The following PLXNA4 variants were observed in gnomAD, a reference collection of about 807,000 sequenced individuals.
PLXNA4 encodes the protein plexin-A4.
In PLXNA4, 44 loss-of-function variants were observed where a neutral mutation model predicts 191.8. That is an observed-to-expected ratio of 0.23 (90% confidence interval 0.18 to 0.29). The LOEUF (loss-of-function observed/expected upper bound fraction) is 0.29. Ranked by LOEUF, PLXNA4 falls within the 10% of genes least tolerant of loss-of-function variation. The pLI is 1.00. For missense variants in PLXNA4, 1,800 were observed against 2,488.8 expected, an observed-to-expected ratio of 0.72 and a Z score of 5.89; for synonymous variants, 1,082 against 1,009.5, an observed-to-expected ratio of 1.07 and a Z score of -1.36.
At chr7:132,615,803 GCA>G (rs113683607) in intron 2 of PLXNA4, among the ~76,000 whole-genome samples, 2,830 of 151,702 alleles carry the variant, frequency 0.019, 80 homozygotes, top group African/African-American at 0.064. Context: ...TCATGCACAT[GCA>G]CACACACACA....
chr7:132,452,645 G>A (rs1186504552), intron 3 of PLXNA4, among the ~76,000 whole-genome samples: 2 of 152,150 alleles, frequency 1.3e-5, no homozygotes, highest in Non-Finnish European at 2.9e-5. Flanking sequence ...CGCTTCTGTG[G>A]GGAGAGATGC....
intron 14 of PLXNA4, 133 bp downstream of exon 14, chr7:132,193,929 C>T (rs769469541): frequency 9.3e-5 from 110 of 1,179,242 alleles, no homozygotes; most frequent in Non-Finnish European, 1.2e-4. Context: ...AGACAGGAGT[C>T]TCATGAACTG....
intron 4 of PLXNA4, among the ~76,000 whole-genome samples, chr7:132,293,497 A>G (rs1159363985): frequency 1.3e-5 from 2 of 152,138 alleles, no homozygotes; most frequent in Non-Finnish European, 2.9e-5. Flanking sequence ...TCCACAACAC[A>G]TGGGAATTAT....
intron 3 of PLXNA4, among the ~76,000 whole-genome samples, chr7:132,380,181 TCA>T (rs1804832467): frequency 6.6e-6 from 1 of 152,134 alleles, no homozygotes; most frequent in Non-Finnish European, 1.5e-5. Context: ...TTTTAATGAA[TCA>T]AAATACCAAA....
At chr7:132,480,032 C>G in intron 3 of PLXNA4, among the ~76,000 whole-genome samples, 1 of 152,140 alleles carries the variant, frequency 6.6e-6, no homozygotes, top group Non-Finnish European at 1.5e-5. Flanking sequence ...TCCCTAACCT[C>G]CCATTCAATC....
Position 132,643,662 on chromosome 7 carries a change from G to A in PLXNA4, c.-87+2266C>T, listed in dbSNP as rs563059392. Among the ~76,000 whole-genome samples the A allele has an allele frequency of 1.1e-4, 16 of 152,238 alleles. 1 individual carries two copies. The South Asian group carries it at 2.3e-3, about 22-fold the overall frequency. ...TGATCCAACAAGCCTTTTTTAAAAA[G>A]AATGAGGGCCTGGCGAGGTGGATCA... On this transcript the variant is annotated intron_variant, in intron 2 of 4. Transcript: ENST00000378539.
rs1432335072 is a variant in PLXNA4 at position 132,129,182 on chromosome 7, T to C, written c.*1297A>G. The C allele has an allele frequency of 1.3e-5, 2 of 152,210 alleles. No homozygotes were observed. Among genetic ancestry groups the C allele is most frequent in the South Asian group, 2.1e-4 (1 of 4,824 alleles). 9.4% of individuals were successfully genotyped at this position (152,210 alleles called of 1,614,324 possible). ...AGATCTGACAAGCTGGAGGCTGAGG[T>C]TGGCTGGCATTTTGGGCTGTCTCCG... On this transcript the variant is annotated 3_prime_UTR_variant, in exon 32 of 32. Coordinates refer to ENST00000321063, the MANE Select transcript of PLXNA4 (RefSeq NM_020911.2).
intron 4 of PLXNA4, among the ~76,000 whole-genome samples, chr7:132,279,054 G>C (rs890186811): frequency 2.0e-5 from 3 of 152,180 alleles, no homozygotes; most frequent in Non-Finnish European, 4.4e-5. Flanking sequence ...AGAGGGTATA[G>C]AGCTTGTCTT....
intron 3 of PLXNA4, among the ~76,000 whole-genome samples, chr7:132,484,513 T>A (rs1797465005): frequency 6.6e-6 from 1 of 152,244 alleles, no homozygotes; most frequent in African/African-American, 2.4e-5. Context: ...TAGAGGGTCT[T>A]TTCCTGTCAT....
chr7:132,179,757 G>T lies in PLXNA4; in HGVS notation c.3804C>A (p.Asp1268Glu). 6.2e-7 allele frequency: 1 copy of T among 1,614,160 alleles called. No individual in the cohort carries two copies. Among genetic ancestry groups the T allele is most frequent in the Non-Finnish European group, 8.5e-7 (1 of 1,180,044 alleles). Residue 1268 changes from aspartate to glutamate, a missense_variant, in exon 20 of 32, where the codon GAC (aspartate) becomes GAA (glutamate). By Grantham distance (45) the Asp-to-Glu change is conservative. Coordinates refer to ENST00000321063, the MANE Select transcript of PLXNA4 (RefSeq NM_020911.2). ...GCATCTGCAGCCGCTTCAGCGTGAG[G>T]TCACTTTCGCGGGACTTGCGTTTAT... is the stretch of plus-strand genomic sequence containing the variant. ...IAYKRKSRES[D>E]LTLKRLQMQM...
chr7:132,445,053 G>A (rs1795847844), intron 3 of PLXNA4, among the ~76,000 whole-genome samples: 2 of 150,896 alleles, frequency 1.3e-5, no homozygotes, highest in Non-Finnish European at 1.5e-5. Flanking sequence ...TACTCGGGAG[G>A]CTGAGGCAGG....
At chr7:132,463,754 C>G (rs1262979971) in intron 3 of PLXNA4, among the ~76,000 whole-genome samples, 1 of 152,222 alleles carries the variant, frequency 6.6e-6, no homozygotes, top group Non-Finnish European at 1.5e-5. Context: ...CCACATGCCC[C>G]TGATTCTTTC....
intron 3 of PLXNA4, among the ~76,000 whole-genome samples, chr7:132,473,607 G>C (rs1233992614): frequency 6.6e-6 from 1 of 152,174 alleles, no homozygotes; most frequent in African/African-American, 2.4e-5. Context: ...TCCAAAAAGA[G>C]TGGTTCGTAT....
chr7:132,141,250 T>G (rs975798894), intron 29 of PLXNA4, among the ~76,000 whole-genome samples: 2 of 152,218 alleles, frequency 1.3e-5, no homozygotes, highest in Non-Finnish European at 2.9e-5. Context: ...TGTATCTGAC[T>G]CTCTGCCATC....
chr7:132,643,650 C>T (rs144775711), intron 2 of PLXNA4, among the ~76,000 whole-genome samples: 58 of 152,208 alleles, frequency 3.8e-4, no homozygotes, highest in African/African-American at 1.3e-3. Flanking sequence ...TCCAACAAGC[C>T]TTTTTTAAAA....
At chr7:132,553,999 TAAAG>T (rs1390261237) in intron 1 of PLXNA4, among the ~76,000 whole-genome samples, 1 of 152,108 alleles carries the variant, frequency 6.6e-6, no homozygotes, top group Non-Finnish European at 1.5e-5. Flanking sequence ...AAGCCCTGTC[TAAAG>T]AAAGAAAGAG....
intron 1 of PLXNA4, among the ~76,000 whole-genome samples, chr7:132,563,967 T>G (rs1299544442): frequency 2.3e-5 from 1 of 43,710 alleles, no homozygotes; most frequent in Non-Finnish European, 4.7e-5. Context: ...CCCCATTCTT[T>G]CTCCTCCTCC....
rs571904126 is a variant in PLXNA4 at position 132,508,780 on chromosome 7, C to A, written c.-86-1G>T. The stretch of plus-strand genomic sequence containing the variant: ...GGACTCAGCAATGCAGTCTCCCCTA[C>A]TGGAGAAAGGGAAGACAATGAGCTG... On this transcript the variant is annotated splice_acceptor_variant, in intron 1 of 31. Coordinates refer to ENST00000321063, the MANE Select transcript of PLXNA4 (RefSeq NM_020911.2). LOFTEE classifies it low-confidence loss of function (5UTR_SPLICE). The surrounding 1 kb of genome is among the most constrained non-coding windows in gnomAD (Gnocchi z 4.4). The A allele has an allele frequency of 4.1e-5, 59 of 1,436,912 alleles. No individual in the cohort carries two copies. The highest frequency in any genetic ancestry group is 2.4e-4 in the Middle Eastern group (1 of 4,146). The allele number at this position is 1,436,912 out of a possible 1,614,324, so 89.0% of individuals were successfully genotyped here.
chr7:132,301,594 A>C (rs552839050), intron 3 of PLXNA4, among the ~76,000 whole-genome samples: 1 of 152,226 alleles, frequency 6.6e-6, no homozygotes, highest in Admixed American at 6.5e-5. Context: ...ATGAGTTCAC[A>C]CTCTACACCA....
Sources: allele counts gnomAD v4.1 joint callset (sites outside exome capture counted in the v4.1 genomes callset), GRCh38; gene constraint gnomAD v4.1.1; non-coding constraint Gnocchi (gnomAD v3.1); transcripts MANE v1.5; gene names NCBI Gene and HGNC (gene_info 2026-07-23, HGNC 2026-07-21).